PRR16: variants seen among roughly 807,000 people sequenced by gnomAD.
PRR16 encodes proline rich 16.
In PRR16, 6 loss-of-function variants were observed where a neutral mutation model predicts 18.2. The ratio of observed to expected loss-of-function variants is 0.33; its 90% CI spans 0.18 to 0.65. The LOEUF (loss-of-function observed/expected upper bound fraction) is 0.65. Among genes scored for constraint, PRR16 ranks in the 30% least tolerant of loss-of-function variants. The pLI is 0.74. For synonymous variants in PRR16, 151 were observed against 147.8 expected (o/e 1.02, Z -0.16); for missense variants, 412 against 376.6 (o/e 1.09, Z -0.78).
chr5:120,762,137 A>AT, the PRR16 span, among the ~76,000 whole-genome samples: 1 of 152,152 alleles, frequency 6.6e-6, no homozygotes, highest in Non-Finnish European at 1.5e-5. Context: ...GGCTGATTGC[A>AT]TGTATCTTTG....
At chr5:120,748,774 A>T in the PRR16 span, among the ~76,000 whole-genome samples, 1 of 152,106 alleles carries the variant, frequency 6.6e-6, no homozygotes, top group African/African-American at 2.4e-5. Context: ...ATGAAGAATT[A>T]AAGGAACTGA....
At chr5:120,683,867 G>A (rs1247377162) in intron 1 of PRR16, among the ~76,000 whole-genome samples, 1 of 150,846 alleles carries the variant, frequency 6.6e-6, no homozygotes, top group Non-Finnish European at 1.5e-5. Flanking sequence ...CAGGAGAAAT[G>A]AGCAGACATA....
intron 1 of PRR16, among the ~76,000 whole-genome samples, chr5:120,650,652 A>G (rs1755750344): frequency 6.6e-6 from 1 of 152,158 alleles, no homozygotes; most frequent in African/African-American, 2.4e-5. Context: ...TACAAAGGAC[A>G]TGAACTCATC....
At chr5:120,535,776 G>A (rs892724583) in intron 1 of PRR16, among the ~76,000 whole-genome samples, 2 of 151,372 alleles carry the variant, frequency 1.3e-5, no homozygotes, top group African/African-American at 4.9e-5. Context: ...CTCAGCCCGA[G>A]TGACAGAGTG....
chr5:120,587,362 G>C (rs1207869405), intron 1 of PRR16, among the ~76,000 whole-genome samples: 1 of 152,170 alleles, frequency 6.6e-6, no homozygotes, highest in Non-Finnish European at 1.5e-5. Context: ...GCTTTCTATT[G>C]AAAGAAGATG....
chr5:120,687,206 A>G lies in PRR16; in HGVS notation c.*497A>G, dbSNP rs1757153949. 1 of 152,398 alleles carries G rather than the reference A, an allele frequency of 6.6e-6. No individual in the cohort carries two copies. Among genetic ancestry groups the G allele is most frequent in the African/African-American group, 2.4e-5 (1 of 41,458 alleles). 9.4% of individuals were successfully genotyped at this position (152,398 alleles called of 1,614,324 possible). ...GCCAATACCAAGAAGTTTATTTTCT[A>G]TATTATACAATTATGAATTACATGC... On this transcript the variant is annotated 3_prime_UTR_variant, in exon 2 of 2. Coordinates refer to ENST00000407149, the MANE Select transcript of PRR16 (RefSeq NM_001300783.2).
At chr5:120,705,182 G>T in the PRR16 span, among the ~76,000 whole-genome samples, 2 of 151,978 alleles carry the variant, frequency 1.3e-5, no homozygotes, top group African/African-American at 4.8e-5. Flanking sequence ...AATATGCTTA[G>T]GTATGAGTAA....
At chr5:120,593,387 A>T (rs1029504638) in intron 1 of PRR16, among the ~76,000 whole-genome samples, 1 of 152,072 alleles carries the variant, frequency 6.6e-6, no homozygotes, top group Admixed American at 6.6e-5. Flanking sequence ...ATGTACACAA[A>T]TTAGAATATC....
intron 1 of PRR16, among the ~76,000 whole-genome samples, chr5:120,542,094 T>G (rs939018218): frequency 6.6e-6 from 1 of 152,102 alleles, no homozygotes; most frequent in African/African-American, 2.4e-5. Flanking sequence ...GAAACTATTT[T>G]TGTGTGTGTG....
At chr5:120,607,294 T>C (rs1473905947) in intron 1 of PRR16, among the ~76,000 whole-genome samples, 2 of 152,234 alleles carry the variant, frequency 1.3e-5, no homozygotes, top group African/African-American at 2.4e-5. Flanking sequence ...TGAAGAGATC[T>C]TAGTGTTTGT....
At chr5:120,766,619 C>T in the PRR16 span, among the ~76,000 whole-genome samples, 1 of 151,906 alleles carries the variant, frequency 6.6e-6, no homozygotes, top group Non-Finnish European at 1.5e-5. Context: ...TCAGCTCACT[C>T]TGATTTTCCA....
the PRR16 span, among the ~76,000 whole-genome samples, chr5:120,725,917 C>T: frequency 6.6e-6 from 1 of 152,002 alleles, no homozygotes; most frequent in Admixed American, 6.6e-5. Flanking sequence ...TTAATAGATT[C>T]CACTTGCAGC....
intron 1 of PRR16, among the ~76,000 whole-genome samples, chr5:120,652,857 T>C (rs1755838062): frequency 6.6e-6 from 1 of 151,952 alleles, no homozygotes; most frequent in Non-Finnish European, 1.5e-5. Context: ...AAAAGTACCA[T>C]ACTAATGTAA....
At chr5:120,642,794 G>A (rs549593388) in intron 1 of PRR16, among the ~76,000 whole-genome samples, 1 of 151,992 alleles carries the variant, frequency 6.6e-6, no homozygotes, top group East Asian at 1.9e-4. Flanking sequence ...CCACCCATAG[G>A]CACACGAAAA....
Position 120,629,066 on chromosome 5 carries a change from G to C in PRR16, c.160-56888G>C, listed in dbSNP as rs960319034. Among the ~76,000 whole-genome samples the C allele has an allele frequency of 2.0e-5, 3 of 152,008 alleles. No individual in the cohort carries two copies. The East Asian group carries it at 5.8e-4, about 29-fold the overall frequency. On this transcript the variant is annotated intron_variant, in intron 1 of 1. Coordinates refer to ENST00000407149, the MANE Select transcript of PRR16 (RefSeq NM_001300783.2). The stretch of plus-strand genomic sequence containing the variant: ...CATGCTCAAATAGGCCTCAGTGTCT[G>C]TTGTTCCTTCCTTGTGTCCATATGT...
rs137912065 is a variant in PRR16 at position 120,686,410 on chromosome 5, C to T, written c.616C>T (p.Arg206Trp). 1,540 of 1,614,054 alleles carry T rather than the reference C, an allele frequency of 9.5e-4. 1 individual carries two copies. The highest frequency in any genetic ancestry group is 1.1e-3 in the Non-Finnish European group (1,334 of 1,179,994). The change falls in exon 2 of 2, where the codon CGG becomes TGG. Residue 206 changes from arginine to tryptophan, a missense_variant. Transcript: ENST00000407149. ...CPQAGPRERVRFNEKVQYHGY... is the reference protein window; with the variant it reads ...CPQAGPRERVWFNEKVQYHGY... ...CCAGGCAGGGCCTCGAGAACGAGTT[C>T]GGTTTAATGAAAAAGTACAGTACCA... is the stretch of plus-strand genomic sequence containing the variant.
chr5:120,722,003 C>T, the PRR16 span, among the ~76,000 whole-genome samples: 1 of 152,004 alleles, frequency 6.6e-6, no homozygotes, highest in Admixed American at 6.6e-5. Flanking sequence ...AGGTATTTCT[C>T]CTAATGCTAT....
At chr5:120,490,699 C>T (rs1436913210) in intron 1 of PRR16, among the ~76,000 whole-genome samples, 1 of 152,210 alleles carries the variant, frequency 6.6e-6, no homozygotes, top group African/African-American at 2.4e-5. Context: ...TGGTGAGGAA[C>T]TGCGTTCCTT....
chr5:120,708,217 A>G, the PRR16 span, among the ~76,000 whole-genome samples: 1 of 152,186 alleles, frequency 6.6e-6, no homozygotes, highest in Admixed American at 6.5e-5. Flanking sequence ...ATTCCCAGTC[A>G]TGTATTTACT....
Sources: allele counts gnomAD v4.1 joint callset (sites outside exome capture counted in the v4.1 genomes callset), GRCh38; gene constraint gnomAD v4.1.1; transcripts MANE v1.5; gene names NCBI Gene and HGNC (gene_info 2026-07-23, HGNC 2026-07-21).